Variants in VRK2 observed in about 807,000 individuals in gnomAD.
The protein encoded by VRK2 is VRK serine/threonine kinase 2.
VRK2 carries 60 observed loss-of-function variants against 57.6 expected under a neutral mutation model. The observed-to-expected ratio is 1.04, with a 90% CI of 0.85 to 1.29. VRK2 has a LOEUF of 1.29. Ranked by LOEUF, VRK2 falls within the 50% of genes most tolerant of loss-of-function variation. The pLI is 0.00. For missense variants in VRK2, 705 were observed against 588.1 expected (o/e 1.20, Z -2.06); for synonymous variants, 231 against 199.2 (o/e 1.16, Z -1.35).
intron 7 of VRK2, among the ~76,000 whole-genome samples, chr2:58,101,187 C>T (rs1276517985): frequency 6.6e-6 from 1 of 151,562 alleles, no homozygotes; most frequent in African/African-American, 2.4e-5. Flanking sequence ...TCGTAAGATT[C>T]CAAGGCAAGT....
At position 57,985,131 on chromosome 2, in the gene VRK2, A is replaced by G. The variant is rs1167225653; in HGVS notation, c.-438-40534A>G. Reference sequence around the variant, plus strand: ...GATAGATGGATAGAGTGATAAATAGACAAATATTGGGTAAAACTTAATTTA... The same window carrying G: ...GATAGATGGATAGAGTGATAAATAGGCAAATATTGGGTAAAACTTAATTTA... On this transcript the variant is annotated intron_variant, in intron 1 of 15. Transcript: ENST00000417641. Among the ~76,000 whole-genome samples, 5 of 152,066 alleles carry G rather than the reference A, an allele frequency of 3.3e-5. No individual in the cohort carries two copies. In the South Asian group the frequency reaches 8.3e-4, roughly 25 times the overall value.
chr2:58,137,101 A>ATATATAACATATATCATATATGTG (rs1680323728), intron 10 of VRK2, among the ~76,000 whole-genome samples: 1 of 120,874 alleles, frequency 8.3e-6, no homozygotes, highest in East Asian at 2.4e-4. Flanking sequence ...TATATATCAT[A>ATATATAACATATATCATATATGTG]TATATAACAT....
chr2:58,032,461 C>T lies in VRK2; in HGVS notation c.-332-766C>T, dbSNP rs148837463. ...AAAGGGAAGTGAGCCCTCTGTGTTC[C>T]CTTTTGTAGGGGCACTAACCCTGCT... On this transcript the variant is annotated intron_variant, in intron 2 of 15. Coordinates refer to the VRK2 transcript ENST00000417641. Among the ~76,000 whole-genome samples, 56 of 152,094 alleles carry T rather than the reference C, an allele frequency of 3.7e-4. No homozygotes were observed. The East Asian group carries it at 0.01, about 27-fold the overall frequency.
At chr2:58,141,085 AC>A (rs1255563941) in intron 11 of VRK2, among the ~76,000 whole-genome samples, 1 of 151,994 alleles carries the variant, frequency 6.6e-6, no homozygotes, top group Non-Finnish European at 1.5e-5. Flanking sequence ...ATAAAAAGCC[AC>A]TGGATTTTGA....
At chr2:58,131,405 C>G (rs1000453705) in intron 8 of VRK2, among the ~76,000 whole-genome samples, 1 of 151,720 alleles carries the variant, frequency 6.6e-6, no homozygotes, top group Non-Finnish European at 1.5e-5. Flanking sequence ...CCAATGCAGA[C>G]CCTATGGACT....
chr2:57,971,897 AATT>A (rs1001972264), intron 1 of VRK2, among the ~76,000 whole-genome samples: 4 of 151,908 alleles, frequency 2.6e-5, no homozygotes, highest in East Asian at 1.9e-4. Context: ...GATTTTTAAA[AATT>A]ATTATTATGT....
At chr2:58,025,133 T>C (rs1673885444) in intron 1 of VRK2, among the ~76,000 whole-genome samples, 1 of 152,206 alleles carries the variant, frequency 6.6e-6, no homozygotes, top group Non-Finnish European at 1.5e-5. Flanking sequence ...ACAGATTCTA[T>C]AGTTAAACTT....
At chr2:58,151,528 T>A (rs912307483) in intron 12 of VRK2, among the ~76,000 whole-genome samples, 1 of 151,578 alleles carries the variant, frequency 6.6e-6, no homozygotes, top group Non-Finnish European at 1.5e-5. Flanking sequence ...TGGCAAACAC[T>A]ATCTTTTATT....
At chr2:58,131,723 A>G in intron 8 of VRK2, 85 bp from the exon 9 acceptor site, 1 of 1,430,728 alleles carries the variant, frequency 7.0e-7, no homozygotes, top group African/African-American at 1.4e-5. Flanking sequence ...TTCATATTTC[A>G]TCAGTAGTAG....
intron 1 of VRK2, among the ~76,000 whole-genome samples, chr2:57,998,838 C>G (rs1490141474): frequency 6.6e-6 from 1 of 152,164 alleles, no homozygotes; most frequent in Non-Finnish European, 1.5e-5. Context: ...AAAGCGTCTT[C>G]CAAATAACAC....
chr2:57,938,332 T>C (rs1670983124), intron 1 of VRK2, among the ~76,000 whole-genome samples: 1 of 152,202 alleles, frequency 6.6e-6, no homozygotes, highest in Admixed American at 6.5e-5. Context: ...CTAAATACTT[T>C]GGAGAGGACC....
At chr2:58,060,366 A>AT (rs1443496540) in intron 2 of VRK2, among the ~76,000 whole-genome samples, 3 of 151,774 alleles carry the variant, frequency 2.0e-5, no homozygotes, top group South Asian at 2.1e-4. Flanking sequence ...AAAAATAAGT[A>AT]TTTTTTTGGG....
intron 1 of VRK2, among the ~76,000 whole-genome samples, chr2:57,917,300 G>C (rs1216354662): frequency 6.6e-6 from 1 of 151,770 alleles, no homozygotes; most frequent in African/African-American, 2.4e-5. Flanking sequence ...CTTACCTCCA[G>C]TTCTTCCTTT....
chr2:58,093,381 T>G (rs1170050046), intron 7 of VRK2, among the ~76,000 whole-genome samples: 1 of 152,144 alleles, frequency 6.6e-6, no homozygotes, highest in Admixed American at 6.5e-5. Context: ...TGGTATCTCA[T>G]TGTGGTTTTG....
At chr2:58,078,602 A>G (rs535354734) in intron 2 of VRK2, among the ~76,000 whole-genome samples, 4 of 152,204 alleles carry the variant, frequency 2.6e-5, no homozygotes, top group African/African-American at 9.6e-5. Flanking sequence ...GGGTAATTTT[A>G]TGATCCCATC....
intron 1 of VRK2, among the ~76,000 whole-genome samples, chr2:58,005,197 T>C (rs1333571749): frequency 6.6e-6 from 1 of 152,154 alleles, no homozygotes; most frequent in Non-Finnish European, 1.5e-5. Context: ...AAAAACTATT[T>C]TGTCAGGAAA....
chr2:57,993,873 C>T (rs1010188085), intron 1 of VRK2, among the ~76,000 whole-genome samples: 1 of 152,082 alleles, frequency 6.6e-6, no homozygotes, highest in African/African-American at 2.4e-5. Flanking sequence ...GAAAAGCTAG[C>T]CTGGAGACAG....
At position 57,916,179 on chromosome 2, in the gene VRK2, G is replaced by C. The variant is rs561867645; in HGVS notation, c.-439+8340G>C. On this transcript the variant is annotated intron_variant, in intron 1 of 15. Transcript: ENST00000417641. ...CCCAGCACTTTGGGAGGTCGAGGCA[G>C]GCAGATCACTTGAGGTCAGGAGTTC... is the stretch of plus-strand genomic sequence containing the variant. Among the ~76,000 whole-genome samples, 4 of 152,176 alleles carry C rather than the reference G, an allele frequency of 2.6e-5. No individual in the cohort carries two copies. The East Asian group carries it at 5.8e-4, about 22-fold the overall frequency.
chr2:57,944,580 C>CA (rs1374607264), intron 1 of VRK2, among the ~76,000 whole-genome samples: 2 of 151,952 alleles, frequency 1.3e-5, no homozygotes, highest in Admixed American at 1.3e-4. Context: ...ACTAAAAATA[C>CA]AAAAAATTGG....
Sources: gnomAD v4.1 joint callset for allele counts (sites outside exome capture counted in the v4.1 genomes callset) on GRCh38, gnomAD v4.1.1 for gene constraint, MANE v1.5 for transcripts, NCBI Gene and HGNC (gene_info 2026-07-23, HGNC 2026-07-21) for gene names.